WDR43: variants seen among roughly 807,000 people sequenced by gnomAD.
WDR43 encodes the protein WD repeat domain 43.
WDR43 carries 13 observed loss-of-function variants against 91.4 expected under a neutral mutation model. The observed-to-expected ratio is 0.14, with a 90% CI of 0.09 to 0.23. WDR43 has a LOEUF of 0.23. WDR43 is among the 10% of genes least tolerant of loss of function. WDR43 has a pLI of 1.00. For synonymous variants in WDR43, 331 were observed against 287.9 expected (o/e 1.15, Z -1.51); for missense variants, 780 against 809.4 (o/e 0.96, Z 0.44).
chr2:28,903,539 T>C (rs1435694034), intron 2 of WDR43, among the ~76,000 whole-genome samples: 5 of 152,338 alleles, frequency 3.3e-5, no homozygotes, highest in African/African-American at 1.2e-4. Flanking sequence ...CATTTAGGAA[T>C]GTATTACTTG....
At chr2:28,944,640 C>T (rs935065476) in intron 16 of WDR43, among the ~76,000 whole-genome samples, 1 of 152,126 alleles carries the variant, frequency 6.6e-6, no homozygotes, top group Non-Finnish European at 1.5e-5. Context: ...GAGTTGAGAT[C>T]GAGTTAACAC....
In WDR43 at chr2:28,937,995, G is replaced by T; in HGVS notation, c.1620+1G>T. The T allele has an allele frequency of 6.3e-5, 101 of 1,611,958 alleles. No homozygotes were observed. The highest frequency in any genetic ancestry group is 1.2e-4 in the Admixed American group (7 of 59,910). ...AGTTCATGCATCATACCTGTCCACGGTGAGTCTTTTCAGCTTCTGTTGCCG... is the reference window on the plus strand; with the variant it reads ...AGTTCATGCATCATACCTGTCCACGTTGAGTCTTTTCAGCTTCTGTTGCCG... On this transcript the variant is annotated splice_donor_variant, in intron 14 of 17. Coordinates refer to ENST00000407426, the MANE Select transcript of WDR43 (RefSeq NM_015131.3). LOFTEE classifies it high-confidence loss of function.
At chr2:28,897,231 CTT>C (rs1670497774) in intron 1 of WDR43, among the ~76,000 whole-genome samples, 1 of 152,108 alleles carries the variant, frequency 6.6e-6, no homozygotes, top group Non-Finnish European at 1.5e-5. Context: ...TTAAAACAAA[CTT>C]GCACATATAT....
chr2:28,916,112 C>T (rs6728138), intron 5 of WDR43, among the ~76,000 whole-genome samples: 40,348 of 152,050 alleles, frequency 0.27, 6,528 homozygotes, highest in East Asian at 0.77. Context: ...GTGAAACCCT[C>T]ACCACAAACA....
intron 16 of WDR43, among the ~76,000 whole-genome samples, chr2:28,945,996 G>A (rs987759825): frequency 2.6e-5 from 4 of 152,158 alleles, no homozygotes; most frequent in Non-Finnish European, 4.4e-5. Flanking sequence ...GGTTTGGACC[G>A]GTGAGATCTT....
At chr2:28,931,832 A>T (rs916274467) in intron 11 of WDR43, among the ~76,000 whole-genome samples, 7 of 151,968 alleles carry the variant, frequency 4.6e-5, no homozygotes, top group African/African-American at 1.7e-4. Flanking sequence ...GTGCTTGAAA[A>T]GTTAGTAAAG....
At chr2:28,923,741 C>T (rs1671079727) in intron 7 of WDR43, among the ~76,000 whole-genome samples, 1 of 152,048 alleles carries the variant, frequency 6.6e-6, no homozygotes, top group Non-Finnish European at 1.5e-5. Flanking sequence ...TAACTGTTAA[C>T]ATTTTAGTGT....
intron 1 of WDR43, among the ~76,000 whole-genome samples, chr2:28,901,306 C>G (rs1670574448): frequency 6.6e-6 from 1 of 152,166 alleles, no homozygotes; most frequent in Non-Finnish European, 1.5e-5. Flanking sequence ...GAGCTGTTAA[C>G]ATCACTTTTG....
chr2:28,932,397 C>T (rs986288094), intron 11 of WDR43, among the ~76,000 whole-genome samples: 4 of 152,204 alleles, frequency 2.6e-5, no homozygotes, highest in Middle Eastern at 6.8e-3. Flanking sequence ...TCCTGATCTC[C>T]GGTCACCTGC....
At chr2:28,933,941 G>C (rs1052685515) in intron 11 of WDR43, among the ~76,000 whole-genome samples, 4 of 152,156 alleles carry the variant, frequency 2.6e-5, no homozygotes, top group African/African-American at 9.7e-5. Flanking sequence ...ATTAAAAATT[G>C]AGGATGTATC....
rs1227548038 is a variant in WDR43, at chr2:28,894,679, G to A, written c.-20G>A. ...CCTGCGCACGGACGAACACGTGGCT[G>A]CAGCGGGGCCAGAGCAGCAATGGCG... On this transcript the variant is annotated 5_prime_UTR_variant, in exon 1 of 18. Transcript: ENST00000407426. 3.9e-6 allele frequency: 6 copies of A among 1,537,126 alleles called. No homozygotes were observed. Among genetic ancestry groups the A allele is most frequent in the Non-Finnish European group, 5.3e-6 (6 of 1,138,950 alleles).
intron 16 of WDR43, 42 bp downstream of exon 16, chr2:28,942,423 T>C (rs1671455762): frequency 2.5e-6 from 4 of 1,579,718 alleles, no homozygotes; most frequent in Non-Finnish European, 3.5e-6. Context: ...AATTATAACA[T>C]TCAGTTTTCA....
At chr2:28,905,772 C>G (rs773465519) in intron 2 of WDR43, among the ~76,000 whole-genome samples, 40 of 150,584 alleles carry the variant, frequency 2.7e-4, no homozygotes, top group Non-Finnish European at 5.6e-4. Flanking sequence ...TCACATGATT[C>G]TCCTGCCTCA....
intron 6 of WDR43, among the ~76,000 whole-genome samples, chr2:28,919,188 G>T (rs1484474107): frequency 1.3e-5 from 2 of 152,128 alleles, no homozygotes; most frequent in African/African-American, 2.4e-5. Context: ...AGCCTGGGAG[G>T]TCGAAGCTGT....
At chr2:28,925,949 C>T (rs1323363717) in intron 8 of WDR43, among the ~76,000 whole-genome samples, 1 of 152,026 alleles carries the variant, frequency 6.6e-6, no homozygotes, top group Non-Finnish European at 1.5e-5. Context: ...AATTATGTAT[C>T]ACTTTAAATC....
intron 6 of WDR43, among the ~76,000 whole-genome samples, chr2:28,918,549 A>G (rs1023019648): frequency 6.6e-6 from 1 of 151,892 alleles, no homozygotes; most frequent in Non-Finnish European, 1.5e-5. Context: ...TGTATTTTTT[A>G]GTAGAGATGG....
intron 4 of WDR43, chr2:28,913,862 T>C: frequency 5.8e-6 from 4 of 690,808 alleles, no homozygotes; most frequent in Non-Finnish European, 1.0e-5. Context: ...ATCTAAATTT[T>C]CAGTATTTTC....
intron 16 of WDR43, among the ~76,000 whole-genome samples, chr2:28,945,404 G>T (rs963353202): frequency 6.6e-6 from 1 of 152,134 alleles, no homozygotes; most frequent in African/African-American, 2.4e-5. Context: ...TGCATCATGG[G>T]GTTGAATCTG....
chr2:28,914,530 AGT>A (rs1297601786), intron 5 of WDR43, among the ~76,000 whole-genome samples: 1 of 152,238 alleles, frequency 6.6e-6, no homozygotes, highest in East Asian at 1.9e-4. Context: ...TTAATGCAGT[AGT>A]GTCTGTTTAT....
Sources: gnomAD v4.1 joint callset for allele counts (sites outside exome capture counted in the v4.1 genomes callset) on GRCh38, gnomAD v4.1.1 for gene constraint, MANE v1.5 for transcripts, NCBI Gene and HGNC (gene_info 2026-07-23, HGNC 2026-07-21) for gene names.